DENND1B: variants seen among roughly 807,000 people sequenced by gnomAD.
DENND1B encodes DENN domain containing 1B, also known as DENN domain-containing protein 1B.
Under a neutral mutation model 90.1 loss-of-function variants are expected in DENND1B, and 59 were observed. The observed-to-expected ratio is 0.65, with a 90% CI of 0.53 to 0.81. The LOEUF (loss-of-function observed/expected upper bound fraction) is 0.81, where lower values mean the gene tolerates loss of function less well. Among genes scored for constraint, DENND1B ranks in the 40% least tolerant of loss-of-function variants. DENND1B has a pLI of 0.00. For synonymous variants in DENND1B, 337 were observed against 324.6 expected, an observed-to-expected ratio of 1.04 and a Z score of -0.41; for missense variants, 862 against 912.6, an observed-to-expected ratio of 0.94 and a Z score of 0.71.
chr1:197,771,460 CA>C (rs1656603069), intron 2 of DENND1B, among the ~76,000 whole-genome samples: 1 of 152,094 alleles, frequency 6.6e-6, no homozygotes, highest in South Asian at 2.1e-4. Context: ...ATAACTTCAT[CA>C]ACTAGAAAAG....
intron 20 of DENND1B, among the ~76,000 whole-genome samples, chr1:197,522,195 T>C (rs1452279532): frequency 1.3e-5 from 2 of 152,078 alleles, no homozygotes; most frequent in Non-Finnish European, 2.9e-5. Context: ...GAGCTGAACA[T>C]ACTTTGCGAA....
intron 10 of DENND1B, 132 bp from the exon 11 acceptor site, chr1:197,617,891 T>G (rs1371742440): frequency 3.0e-6 from 2 of 660,948 alleles, no homozygotes; most frequent in African/African-American, 3.7e-5. Context: ...ATTGTCTTTA[T>G]CACTTCTACA....
intron 18 of DENND1B, among the ~76,000 whole-genome samples, chr1:197,544,798 G>C (rs796398900): frequency 9.6e-6 from 1 of 104,388 alleles, no homozygotes; most frequent in African/African-American, 3.1e-5. Flanking sequence ...AAGAAGAGGA[G>C]GAAGAAGAAG....
At chr1:197,646,859 T>C (rs1378357340) in intron 8 of DENND1B, among the ~76,000 whole-genome samples, 196 bp downstream of exon 8, 1 of 152,102 alleles carries the variant, frequency 6.6e-6, no homozygotes, top group Non-Finnish European at 1.5e-5. Flanking sequence ...TTTTTAATAG[T>C]ACTATATTTC....
intron 20 of DENND1B, among the ~76,000 whole-genome samples, chr1:197,528,702 T>A (rs1039554566): frequency 2.0e-5 from 3 of 151,376 alleles, no homozygotes; most frequent in Admixed American, 1.3e-4. Flanking sequence ...CTACTAAAAA[T>A]ACAAAAAATT....
chr1:197,570,065 T>C (rs1673017830), intron 15 of DENND1B, among the ~76,000 whole-genome samples: 1 of 152,022 alleles, frequency 6.6e-6, no homozygotes, highest in Non-Finnish European at 1.5e-5. Flanking sequence ...GAACATCATG[T>C]TATATATCAT....
chr1:197,598,752 T>G (rs1372270548), intron 13 of DENND1B, among the ~76,000 whole-genome samples: 1 of 151,818 alleles, frequency 6.6e-6, no homozygotes, highest in Non-Finnish European at 1.5e-5. Context: ...TTTTTATTCT[T>G]AAGAAAGCAA....
chr1:197,625,151 G>A (rs1678553343), intron 10 of DENND1B, among the ~76,000 whole-genome samples: 1 of 151,954 alleles, frequency 6.6e-6, no homozygotes. Flanking sequence ...TCAGATTCAG[G>A]AAATACAGAG....
At chr1:197,571,204 T>G (rs1275293724) in intron 15 of DENND1B, among the ~76,000 whole-genome samples, 1 of 150,776 alleles carries the variant, frequency 6.6e-6, no homozygotes, top group Non-Finnish European at 1.5e-5. Context: ...TTTCACATGG[T>G]AATCTGGGCA....
chr1:197,593,049 AT>A (rs1217086865), intron 14 of DENND1B, among the ~76,000 whole-genome samples: 1 of 152,030 alleles, frequency 6.6e-6, no homozygotes, highest in African/African-American at 2.4e-5. Flanking sequence ...TTTGGTTGAT[AT>A]TAAAAAAAGG....
At chr1:197,612,056 T>A in intron 11 of DENND1B, 80 bp from the exon 12 acceptor site, 1 of 1,144,326 alleles carries the variant, frequency 8.7e-7, no homozygotes, top group Non-Finnish European at 1.3e-6. Context: ...TCAAAATGAT[T>A]AAAAATTAAA....
chr1:197,505,783 G>T lies in DENND1B; in HGVS notation c.*4677C>A, dbSNP rs1253435723. ...ATCTTATCAAAGATTCATCACAAAG[G>T]ATACTACAATCCACATATGTAATCA... is the stretch of plus-strand genomic sequence containing the variant. On this transcript the variant is annotated 3_prime_UTR_variant, in exon 23 of 23. Coordinates refer to ENST00000620048, the MANE Select transcript of DENND1B (RefSeq NM_001195215.2). 1 of 151,612 alleles carries T rather than the reference G, an allele frequency of 6.6e-6. No homozygotes were observed. Among genetic ancestry groups the T allele is most frequent in the Non-Finnish European group, 1.5e-5 (1 of 67,710 alleles). The allele number at this position is 151,612 out of a possible 1,614,324, so 9.4% of individuals were successfully genotyped here.
chr1:197,602,301 A>AC lies in DENND1B; in HGVS notation c.921+4771dup, dbSNP rs564045093. On this transcript the variant is annotated intron_variant, in intron 13 of 22. Coordinates refer to ENST00000620048, the MANE Select transcript of DENND1B (RefSeq NM_001195215.2). ...TGAATGCCTATTTACAAAGCACAGT[A>AC]CCAAGGCTGTGTGGTGGAGGCAAGG... Among the ~76,000 whole-genome samples the AC allele has an allele frequency of 2.5e-4, 38 of 151,684 alleles. No homozygotes were observed. In the South Asian group the frequency reaches 7.9e-3, roughly 31 times the overall value.
At chr1:197,646,984 G>A in intron 8 of DENND1B, 71 bp downstream of exon 8, 1 of 1,152,318 alleles carries the variant, frequency 8.7e-7, no homozygotes, top group Non-Finnish European at 1.2e-6. Flanking sequence ...AAGCTTAAAG[G>A]CATAGTGAAA....
Position 197,629,443 on chromosome 1 carries a change from C to T in DENND1B, c.673-11684G>A, listed in dbSNP as rs574057624. ...ATCGCAAGGACAGAAAACCAAACACCGCATGTTCTCACTCATAGGTGGGAA... is the reference window on the plus strand; with the variant it reads ...ATCGCAAGGACAGAAAACCAAACACTGCATGTTCTCACTCATAGGTGGGAA... On this transcript the variant is annotated intron_variant, in intron 10 of 22. Transcript: ENST00000620048. 8.7e-5 allele frequency among the ~76,000 whole-genome samples: 13 copies of T among 149,036 alleles called. No homozygotes were observed. The East Asian group carries it at 2.0e-3, about 23-fold the overall frequency.
chr1:197,571,920 T>C (rs773094278), intron 15 of DENND1B, among the ~76,000 whole-genome samples: 2 of 152,032 alleles, frequency 1.3e-5, no homozygotes, highest in Non-Finnish European at 2.9e-5. Context: ...AAGTGAGATA[T>C]GAATAAAAAT....
chr1:197,573,106 A>C (rs991756148), intron 15 of DENND1B, among the ~76,000 whole-genome samples: 1 of 152,036 alleles, frequency 6.6e-6, no homozygotes, highest in African/African-American at 2.4e-5. Flanking sequence ...GGATTCATTA[A>C]TTTTTTGAAG....
intron 14 of DENND1B, among the ~76,000 whole-genome samples, chr1:197,590,616 G>C (rs114704049): frequency 0.011 from 1,688 of 152,186 alleles, 32 homozygotes; most frequent in African/African-American, 0.038. Context: ...ACAATTTAGG[G>C]TTGCCAGCTT....
At chr1:197,548,529 G>A (rs919483661) in intron 16 of DENND1B, among the ~76,000 whole-genome samples, 7 of 152,192 alleles carry the variant, frequency 4.6e-5, no homozygotes, top group South Asian at 4.1e-4. Flanking sequence ...ATAAATGATC[G>A]TTATTACTAT....
Sources: gnomAD v4.1 joint callset for allele counts (sites outside exome capture counted in the v4.1 genomes callset) on GRCh38, gnomAD v4.1.1 for gene constraint, MANE v1.5 for transcripts, NCBI Gene and HGNC (gene_info 2026-07-23, HGNC 2026-07-21) for gene names.